The following PRKN variants were observed in gnomAD, a reference collection of about 807,000 sequenced individuals.
PRKN encodes E3 ubiquitin-protein ligase parkin.
PRKN carries 56 observed loss-of-function variants against 59.5 expected under a neutral mutation model. The observed-to-expected ratio is 0.94, with a 90% CI of 0.76 to 1.18. The LOEUF is 1.18. Among genes scored for constraint, PRKN ranks in the 50% most tolerant of loss-of-function variants. PRKN has a pLI of 0.00. For missense variants in PRKN, 657 were observed against 596.4 expected (o/e 1.10, Z -1.06); for synonymous variants, 250 against 222.1 (o/e 1.13, Z -1.12).
intron 1 of PRKN, among the ~76,000 whole-genome samples, chr6:162,533,970 C>T (rs962195811): frequency 1.2e-5 from 1 of 82,934 alleles, no homozygotes; most frequent in Non-Finnish European, 2.2e-5. Context: ...GACTCCATCT[C>T]AAAAAAAAAA....
At chr6:161,711,651 T>C (rs529557606) in intron 7 of PRKN, among the ~76,000 whole-genome samples, 7 of 152,176 alleles carry the variant, frequency 4.6e-5, no homozygotes, top group Admixed American at 4.6e-4. Flanking sequence ...CCAAAGGAGA[T>C]TAACATTTGA....
intron 2 of PRKN, among the ~76,000 whole-genome samples, chr6:162,387,555 C>CACACACACACAG (rs1212726833): frequency 1.0e-5 from 1 of 95,576 alleles, no homozygotes; most frequent in African/African-American, 4.1e-5. Flanking sequence ...CACACACACA[C>CACACACACACAG]AGAGAGAGAG....
At chr6:162,563,193 A>G (rs1264838709) in intron 1 of PRKN, among the ~76,000 whole-genome samples, 3 of 151,990 alleles carry the variant, frequency 2.0e-5, no homozygotes, top group Non-Finnish European at 4.4e-5. Flanking sequence ...AGTCCCAGCT[A>G]CTCGGGAGGC....
At position 161,347,611 on chromosome 6, in the gene PRKN, T is replaced by C. The variant is rs924577572; in HGVS notation, c.*2488A>G. 4.9e-5 allele frequency: 7 copies of C among 143,604 alleles called. No homozygotes were observed. The highest frequency in any genetic ancestry group is 1.9e-4 in the African/African-American group (7 of 36,998). The allele number at this position is 143,604 out of a possible 1,614,324, so 8.9% of individuals were successfully genotyped here. On this transcript the variant is annotated 3_prime_UTR_variant, in exon 12 of 12. Transcript: ENST00000366898. ...ATGTGTAGTGGATGATCTTGCTTTT[T>C]TGTTTTTGTTTTTTTTTTTTTTTTG...
chr6:162,121,341 G>A (rs1248339117), intron 4 of PRKN, among the ~76,000 whole-genome samples: 1 of 152,086 alleles, frequency 6.6e-6, no homozygotes, highest in Non-Finnish European at 1.5e-5. Context: ...AAGTTCTTGG[G>A]GGTTGAATGC....
intron 1 of PRKN, among the ~76,000 whole-genome samples, chr6:162,500,478 G>C (rs986995479): frequency 1.3e-5 from 2 of 152,104 alleles, no homozygotes; most frequent in African/African-American, 4.8e-5. Flanking sequence ...GGCCCAAACA[G>C]CCATTCTTAC....
chr6:162,012,021 A>G (rs938704628), intron 5 of PRKN, among the ~76,000 whole-genome samples: 1 of 152,118 alleles, frequency 6.6e-6, no homozygotes, highest in Non-Finnish European at 1.5e-5. Flanking sequence ...TCATATTTTA[A>G]TAATGACACG....
At chr6:161,536,894 T>C (rs73593426) in intron 9 of PRKN, among the ~76,000 whole-genome samples, 2,647 of 152,340 alleles carry the variant, frequency 0.017, 73 homozygotes, top group African/African-American at 0.061. Context: ...AATTTTGAGA[T>C]CGAAAACCTC....
Position 161,546,013 on chromosome 6 carries a change from TGC to T in PRKN, c.1083+2839_1083+2840del, listed in dbSNP as rs1036591063. On this transcript the variant is annotated intron_variant, in intron 9 of 11. Transcript: ENST00000366898. This position sits in a 1 kb window ranked among gnomAD's most constrained non-coding sequence, Gnocchi z 4.4. ...AAGGCTAAAAATAGTAAGGTCTAGGTGCCCAGTTTCCTGCCGTAGATCTGACT... is the reference window on the plus strand; with the variant it reads ...AAGGCTAAAAATAGTAAGGTCTAGGTCCAGTTTCCTGCCGTAGATCTGACT... 2.6e-5 allele frequency among the ~76,000 whole-genome samples: 4 copies of T among 152,214 alleles called. No individual in the cohort carries two copies. Among genetic ancestry groups the T allele is most frequent in the Non-Finnish European group, 5.9e-5 (4 of 68,038 alleles).
intron 6 of PRKN, among the ~76,000 whole-genome samples, chr6:161,898,432 T>G (rs1044997868): frequency 6.6e-6 from 1 of 152,184 alleles, no homozygotes; most frequent in African/African-American, 2.4e-5. Context: ...TTCATCTACA[T>G]AATTTTTATG....
chr6:162,271,736 T>C (rs1476309789), intron 2 of PRKN, among the ~76,000 whole-genome samples: 1 of 152,106 alleles, frequency 6.6e-6, no homozygotes, highest in African/African-American at 2.4e-5. Flanking sequence ...TTCCCCTCCA[T>C]AGTTTTCAAT....
At chr6:161,747,210 A>G (rs1179960792) in intron 7 of PRKN, among the ~76,000 whole-genome samples, 1 of 152,182 alleles carries the variant, frequency 6.6e-6, no homozygotes, top group African/African-American at 2.4e-5. Flanking sequence ...ATTGCTTGGA[A>G]TGGAGTTTTA....
At chr6:162,445,409 A>G (rs1287529502) in intron 1 of PRKN, among the ~76,000 whole-genome samples, 1 of 152,200 alleles carries the variant, frequency 6.6e-6, no homozygotes, top group East Asian at 1.9e-4. Context: ...AGTCCAGGCC[A>G]GGCACAATGG....
intron 4 of PRKN, among the ~76,000 whole-genome samples, chr6:162,181,303 C>T (rs1374721390): frequency 6.6e-6 from 1 of 152,154 alleles, no homozygotes; most frequent in Non-Finnish European, 1.5e-5. Context: ...ATCACACAAA[C>T]CATTTGCATA....
intron 6 of PRKN, among the ~76,000 whole-genome samples, chr6:161,882,557 T>C (rs531785368): frequency 3.3e-5 from 5 of 152,300 alleles, no homozygotes; most frequent in African/African-American, 1.2e-4. Flanking sequence ...AGTTTGGGAG[T>C]TAAACTGCAT....
intron 6 of PRKN, among the ~76,000 whole-genome samples, chr6:161,914,375 T>G (rs1186251443): frequency 6.6e-6 from 1 of 152,202 alleles, no homozygotes; most frequent in Non-Finnish European, 1.5e-5. Context: ...CTTGTAGGCA[T>G]GCATACTTCT....
At chr6:161,869,723 G>A (rs749412632) in intron 6 of PRKN, among the ~76,000 whole-genome samples, 4 of 152,106 alleles carry the variant, frequency 2.6e-5, no homozygotes, top group Admixed American at 6.5e-5. Context: ...TCCTTTGAAA[G>A]AGCTCTTCAG....
chr6:161,574,935 T>G (rs1562535902), intron 7 of PRKN, among the ~76,000 whole-genome samples: 1 of 152,172 alleles, frequency 6.6e-6, no homozygotes, highest in Non-Finnish European at 1.5e-5. Context: ...CTTTTCCCTC[T>G]TTTCTTGTCC....
intron 1 of PRKN, among the ~76,000 whole-genome samples, chr6:162,696,828 G>A (rs1011265432): frequency 6.6e-6 from 1 of 152,010 alleles, no homozygotes; most frequent in Non-Finnish European, 1.5e-5. Flanking sequence ...CTAGAGGTAT[G>A]AGCTACCGCA....
Sources: allele counts gnomAD v4.1 joint callset (sites outside exome capture counted in the v4.1 genomes callset), GRCh38; gene constraint gnomAD v4.1.1; non-coding constraint Gnocchi (gnomAD v3.1); transcripts MANE v1.5; gene names NCBI Gene and HGNC (gene_info 2026-07-23, HGNC 2026-07-21).